Variants in CALN1 observed in about 807,000 individuals in gnomAD.
The protein encoded by CALN1 is calneuron 1.
In CALN1, 17 loss-of-function variants were observed where a neutral mutation model predicts 30.6. That is an observed-to-expected ratio of 0.56 (90% CI 0.38 to 0.83). The LOEUF is 0.83. Among genes scored for constraint, CALN1 ranks in the 40% least tolerant of loss-of-function variants. The pLI is 0.00. For missense variants in CALN1, 291 were observed against 354.9 expected (o/e 0.82, Z 1.45); for synonymous variants, 156 against 131.4 (o/e 1.19, Z -1.28).
intron 5 of CALN1, among the ~76,000 whole-genome samples, chr7:71,821,568 T>C (rs1330327058): frequency 1.3e-5 from 2 of 152,132 alleles, no homozygotes; most frequent in Non-Finnish European, 2.9e-5. Flanking sequence ...CAGGATTCTA[T>C]TATCTCCCAC....
chr7:71,963,664 T>G (rs906906748), intron 5 of CALN1, among the ~76,000 whole-genome samples: 4 of 152,180 alleles, frequency 2.6e-5, no homozygotes, highest in African/African-American at 4.8e-5. Context: ...AAATTCCACT[T>G]TTTTTCCCTT....
chr7:72,104,686 C>T (rs1170243415), intron 4 of CALN1, among the ~76,000 whole-genome samples: 4 of 152,120 alleles, frequency 2.6e-5, no homozygotes, highest in South Asian at 2.1e-4. Flanking sequence ...AGGCCGGGCG[C>T]GCTGGCTCAC....
intron 6 of CALN1, among the ~76,000 whole-genome samples, chr7:71,804,690 A>T (rs751251915): frequency 5.3e-5 from 8 of 152,234 alleles, no homozygotes; most frequent in South Asian, 2.1e-4. Context: ...GCGGTGGCAC[A>T]TGCCTGTAAT....
chr7:72,297,589 T>G (rs976701950), intron 2 of CALN1, among the ~76,000 whole-genome samples: 8 of 152,238 alleles, frequency 5.3e-5, no homozygotes, highest in African/African-American at 1.9e-4. Context: ...TCACACTTAT[T>G]GAAAACCTTG....
At chr7:71,815,800 C>T (rs1788227781) in intron 5 of CALN1, among the ~76,000 whole-genome samples, 1 of 119,664 alleles carries the variant, frequency 8.4e-6, no homozygotes, top group African/African-American at 3.1e-5. Context: ...CCTTCCCACC[C>T]TCCCGCCCTC....
chr7:72,408,202 G>C lies in CALN1; in HGVS notation c.-74+3856C>G, dbSNP rs542356859. ...AATCCCAGCACTTTGGGAGGCCAAG[G>C]GGGGTGGATCACCCAAGGTCAGGAG... On this transcript the variant is annotated intron_variant, in intron 1 of 6. Transcript: ENST00000395275. 6.6e-5 allele frequency among the ~76,000 whole-genome samples: 10 copies of C among 151,826 alleles called. No individual in the cohort carries two copies. The South Asian group carries it at 2.1e-3, about 32-fold the overall frequency.
At chr7:72,271,655 A>G (rs1426701793) in intron 3 of CALN1, among the ~76,000 whole-genome samples, 1 of 148,254 alleles carries the variant, frequency 6.7e-6, no homozygotes, top group Non-Finnish European at 1.5e-5. Flanking sequence ...AATATGTAGA[A>G]AAGAGGAAGG....
At chr7:71,937,912 C>A (rs1054430464) in intron 5 of CALN1, among the ~76,000 whole-genome samples, 6 of 152,366 alleles carry the variant, frequency 3.9e-5, no homozygotes, top group South Asian at 2.1e-4. Flanking sequence ...ACCAATCTGA[C>A]TGCCCTTTTC....
intron 3 of CALN1, among the ~76,000 whole-genome samples, chr7:72,255,438 G>A (rs1037213631): frequency 8.2e-5 from 12 of 146,976 alleles, no homozygotes; most frequent in African/African-American, 3.0e-4. Context: ...TTTTTGAGAT[G>A]GAATCTCGCT....
At chr7:72,104,907 A>G (rs2129541170) in intron 4 of CALN1, among the ~76,000 whole-genome samples, 1 of 152,306 alleles carries the variant, frequency 6.6e-6, no homozygotes, top group African/African-American at 2.4e-5. Context: ...CAGTGAGTTG[A>G]GATCGCATCA....
chr7:71,830,192 C>G (rs1325600342), intron 5 of CALN1, among the ~76,000 whole-genome samples: 5 of 151,540 alleles, frequency 3.3e-5, no homozygotes, highest in Non-Finnish European at 5.9e-5. Context: ...TACAGCCATG[C>G]GCCACCACGG....
intron 1 of CALN1, among the ~76,000 whole-genome samples, chr7:72,438,306 G>C (rs1417123878): frequency 6.6e-6 from 1 of 151,586 alleles, no homozygotes; most frequent in African/African-American, 2.4e-5. Context: ...GTTTTTTGTA[G>C]AGATGGAGTC....
chr7:72,177,887 C>G (rs540159243), intron 3 of CALN1, among the ~76,000 whole-genome samples: 6 of 151,984 alleles, frequency 3.9e-5, no homozygotes, highest in African/African-American at 1.5e-4. Flanking sequence ...GTAACATGTT[C>G]GCGTCCCTTA....
rs1261487114 is a variant in CALN1, at chr7:71,857,028, G to A, written c.502-46536C>T. ...GGTGTGTATATGTATGTGTGTGTGT[G>A]TGTGTGTGTGTGTGTGTGTGTGTGT... On this transcript the variant is annotated intron_variant, in intron 5 of 6. Transcript: ENST00000395275. Among the ~76,000 whole-genome samples the A allele has an allele frequency of 6.0e-5, 9 of 149,852 alleles. 1 individual carries two copies. Among genetic ancestry groups the A allele is most frequent in the African/African-American group, 2.2e-4 (9 of 40,104 alleles).
intron 3 of CALN1, among the ~76,000 whole-genome samples, chr7:72,273,861 C>CAAA (rs1389032676): frequency 6.6e-6 from 1 of 150,768 alleles, no homozygotes; most frequent in African/African-American, 2.4e-5. Flanking sequence ...ACTGAGCCTA[C>CAAA]AAAAAAACTT....
chr7:72,497,780 C>A, the CALN1 span, among the ~76,000 whole-genome samples: 7 of 151,988 alleles, frequency 4.6e-5, no homozygotes, highest in African/African-American at 1.7e-4. Context: ...TTACCAGACA[C>A]GTGAAGAAGT....
chr7:71,874,786 C>T (rs1012753331), intron 5 of CALN1, among the ~76,000 whole-genome samples: 1 of 152,024 alleles, frequency 6.6e-6, no homozygotes, highest in Admixed American at 6.6e-5. Context: ...ACGAGAGAAA[C>T]GGCCAGAGTG....
At chr7:72,048,532 CT>C (rs1563009249) in intron 4 of CALN1, among the ~76,000 whole-genome samples, 1 of 152,090 alleles carries the variant, frequency 6.6e-6, no homozygotes, top group East Asian at 1.9e-4. Flanking sequence ...ATGATATGAA[CT>C]TTTTACTTAT....
chr7:72,089,703 A>G lies in CALN1; in HGVS notation c.388+16448T>C, dbSNP rs150970419. On this transcript the variant is annotated intron_variant, in intron 4 of 6. Transcript: ENST00000395275. ...GTGGCAAAAATCAACAGGACTCAAA[A>G]GCATTTAAAGAACATTTGCACTGAT... 3.9e-5 allele frequency among the ~76,000 whole-genome samples: 6 copies of G among 152,302 alleles called. No homozygotes were observed. In the East Asian group the frequency reaches 1.2e-3, roughly 29 times the overall value.
Sources: gnomAD v4.1 joint callset for allele counts (sites outside exome capture counted in the v4.1 genomes callset) on GRCh38, gnomAD v4.1.1 for gene constraint, MANE v1.5 for transcripts, NCBI Gene and HGNC (gene_info 2026-07-23, HGNC 2026-07-21) for gene names.